The following EEF2K variants were observed in gnomAD, a reference collection of about 807,000 sequenced individuals.
The protein encoded by EEF2K is eukaryotic elongation factor 2 kinase.
Under a neutral mutation model 93.8 loss-of-function variants are expected in EEF2K, and 70 were observed. The ratio of observed to expected loss-of-function variants is 0.75; its 90% CI spans 0.62 to 0.91. EEF2K has a LOEUF of 0.91. Ranked by LOEUF, EEF2K falls within the 40% of genes least tolerant of loss-of-function variation. The probability of loss-of-function intolerance (pLI) is 0.00; values close to 1 mark genes in which losing one functional copy is unlikely to be tolerated. For missense variants in EEF2K, 935 were observed against 972.9 expected, an observed-to-expected ratio of 0.96 and a Z score of 0.52; for synonymous variants, 376 against 380.8, an observed-to-expected ratio of 0.99 and a Z score of 0.15.
chr16:22,254,833 C>T (rs568740021), intron 6 of EEF2K, among the ~76,000 whole-genome samples: 7 of 151,918 alleles, frequency 4.6e-5, no homozygotes, highest in South Asian at 2.1e-4. Context: ...TTGGAAAGCC[C>T]GGGGTGGGGG....
chr16:22,223,228 CAG>C (rs1213639385), intron 1 of EEF2K, among the ~76,000 whole-genome samples: 1 of 148,828 alleles, frequency 6.7e-6, no homozygotes, highest in Non-Finnish European at 1.5e-5. Flanking sequence ...TACGGTAACT[CAG>C]TGTTTAACTT....
At chr16:22,257,847 G>A in intron 9 of EEF2K, 77 bp downstream of exon 9, 1 of 1,568,166 alleles carries the variant, frequency 6.4e-7, no homozygotes, top group Non-Finnish European at 8.6e-7. Flanking sequence ...TCCCCTGTGT[G>A]GTGACAGCCA....
chr16:22,244,275 G>GTA (rs901829535), intron 2 of EEF2K, among the ~76,000 whole-genome samples: 27 of 119,450 alleles, frequency 2.3e-4, no homozygotes, highest in African/African-American at 1.5e-3. Context: ...TGTATTGTGT[G>GTA]TGTGTGTGTG....
chr16:22,225,605 G>A, intron 1 of EEF2K, 49 bp from the exon 2 acceptor site: 3 of 1,444,018 alleles, frequency 2.1e-6, no homozygotes, highest in Non-Finnish European at 2.8e-6. Context: ...GGGCGAATTC[G>A]CAGCCCTGGG....
intron 10 of EEF2K, among the ~76,000 whole-genome samples, chr16:22,260,117 T>C (rs1362768994): frequency 6.6e-5 from 10 of 152,148 alleles, no homozygotes; most frequent in Admixed American, 2.6e-4. Flanking sequence ...CGTCTGTTCT[T>C]CCTTCACAAC....
intron 1 of EEF2K, among the ~76,000 whole-genome samples, chr16:22,211,383 A>G (rs2046911867): frequency 6.6e-6 from 1 of 152,116 alleles, no homozygotes; most frequent in African/African-American, 2.4e-5. Context: ...GACCTCAGCC[A>G]TGTCATTGGA....
At chr16:22,255,721 C>T (rs1160622797) in intron 6 of EEF2K, among the ~76,000 whole-genome samples, 3 of 151,940 alleles carry the variant, frequency 2.0e-5, no homozygotes, top group Non-Finnish European at 4.4e-5. Flanking sequence ...CCAGCCTAGG[C>T]AACATAGTGA....
rs1228971078 is a variant in EEF2K at position 22,287,363 on chromosome 16, G to A, written c.*3367G>A. 1.3e-5 allele frequency: 2 copies of A among 152,298 alleles called. No homozygotes were observed. The highest frequency in any genetic ancestry group is 2.4e-5 in the African/African-American group (1 of 41,582). 9.4% of individuals were successfully genotyped at this position (152,298 alleles called of 1,614,324 possible). On this transcript the variant is annotated 3_prime_UTR_variant, in exon 18 of 18. Coordinates refer to ENST00000263026, the MANE Select transcript of EEF2K (RefSeq NM_013302.5). ...ATGCTGGACATGCCAAAAACCTAAC[G>A]CAAAACCCAGGACATTCCAGCCCAA... is the stretch of plus-strand genomic sequence containing the variant.
chr16:22,274,613 T>C (rs972256351), intron 16 of EEF2K, among the ~76,000 whole-genome samples: 4 of 152,018 alleles, frequency 2.6e-5, no homozygotes, highest in Non-Finnish European at 4.4e-5. Context: ...TTCCTACTTA[T>C]TATTATATTT....
chr16:22,272,511 T>A (rs991965550), intron 15 of EEF2K, among the ~76,000 whole-genome samples: 1 of 152,168 alleles, frequency 6.6e-6, no homozygotes, highest in African/African-American at 2.4e-5. Flanking sequence ...AGTAGACTAA[T>A]GGAAGCCTAG....
chr16:22,266,104 C>T (rs2047514713), intron 13 of EEF2K, among the ~76,000 whole-genome samples: 1 of 152,082 alleles, frequency 6.6e-6, no homozygotes, highest in South Asian at 2.1e-4. Context: ...CACCTGTCGT[C>T]CCAGCTACTC....
At chr16:22,241,636 CAAAAAAAA>C (rs71151666) in intron 2 of EEF2K, among the ~76,000 whole-genome samples, 3 of 49,182 alleles carry the variant, frequency 6.1e-5, no homozygotes, top group Non-Finnish European at 1.1e-4. Flanking sequence ...GAGACTGTCT[CAAAAAAAA>C]AAAAAAAAAA....
Position 22,280,931 on chromosome 16 carries a change from G to A in EEF2K, c.2068+555G>A, listed in dbSNP as rs151045856. Among the ~76,000 whole-genome samples the A allele has an allele frequency of 1.4e-3, 212 of 152,038 alleles. 1 individual carries two copies. Among genetic ancestry groups the A allele is most frequent in the African/African-American group, 4.9e-3 (202 of 41,506 alleles). ...GCCCACCTCGGCCTCCCAAAGTGCT[G>A]GATTACAGGCGTGAGCCACCACACC... is the stretch of plus-strand genomic sequence containing the variant. On this transcript the variant is annotated intron_variant, in intron 17 of 17. Coordinates refer to ENST00000263026, the MANE Select transcript of EEF2K (RefSeq NM_013302.5).
chr16:22,278,126 G>A (rs2047656806), intron 16 of EEF2K, among the ~76,000 whole-genome samples: 1 of 152,102 alleles, frequency 6.6e-6, no homozygotes, highest in Non-Finnish European at 1.5e-5. Context: ...AGGATTGCTG[G>A]ATCCCAGGAC....
At position 22,260,456 on chromosome 16, in the gene EEF2K, G is replaced by T; in HGVS notation, c.1232-6G>T. On this transcript the variant is annotated splice_polypyrimidine_tract_variant and splice_region_variant and intron_variant, in intron 10 of 17. Transcript: ENST00000263026. The stretch of plus-strand genomic sequence containing the variant: ...CAGGACATGATGTCTGTTTCTCCCT[G>T]CCCAGATTGGCCAGTGTTCAGTGAC... 3 of 1,614,008 alleles carry T rather than the reference G, an allele frequency of 1.9e-6. No homozygotes were observed. Among genetic ancestry groups the T allele is most frequent in the Non-Finnish European group, 1.7e-6 (2 of 1,179,998 alleles).
Position 22,285,834 on chromosome 16 carries a change from CAG to C in EEF2K, c.*1844_*1845del, listed in dbSNP as rs1253691833. Reference sequence around the variant, plus strand: ...GTGGGGTTTGTTGTTGTTGCTTATGCAGAGAGATTATTTTCTTTTTATTATTT... The same window carrying C: ...GTGGGGTTTGTTGTTGTTGCTTATGCAGAGATTATTTTCTTTTTATTATTT... On this transcript the variant is annotated 3_prime_UTR_variant, in exon 18 of 18. Coordinates refer to ENST00000263026, the MANE Select transcript of EEF2K (RefSeq NM_013302.5). 1 of 152,260 alleles carries C rather than the reference CAG, an allele frequency of 6.6e-6. No homozygotes were observed. The highest frequency in any genetic ancestry group is 1.5e-5 in the Non-Finnish European group (1 of 68,028). The allele number at this position is 152,260 out of a possible 1,614,324, so 9.4% of individuals were successfully genotyped here.
At chr16:22,275,648 ATTTTAT>A in intron 16 of EEF2K, among the ~76,000 whole-genome samples, 1 of 142,522 alleles carries the variant, frequency 7.0e-6, no homozygotes, top group African/African-American at 2.6e-5. Flanking sequence ...CAGCCTTTTT[ATTTTAT>A]TTTTGAGACA....
intron 2 of EEF2K, among the ~76,000 whole-genome samples, chr16:22,227,070 A>G (rs1432536417): frequency 4.6e-5 from 7 of 152,104 alleles, no homozygotes; most frequent in Admixed American, 2.0e-4. Flanking sequence ...GTGGTGGCGC[A>G]CACCTGTAAT....
chr16:22,233,710 C>T (rs1598173636), intron 2 of EEF2K, among the ~76,000 whole-genome samples: 1 of 152,086 alleles, frequency 6.6e-6, no homozygotes, highest in Non-Finnish European at 1.5e-5. Context: ...AAATATTTTC[C>T]TGATCTGAGA....
Sources: gnomAD v4.1 joint callset for allele counts (sites outside exome capture counted in the v4.1 genomes callset) on GRCh38, gnomAD v4.1.1 for gene constraint, MANE v1.5 for transcripts, NCBI Gene and HGNC (gene_info 2026-07-23, HGNC 2026-07-21) for gene names.